The following PCNX2 variants were observed in gnomAD, a reference collection of about 807,000 sequenced individuals.
PCNX2 encodes pecanex-like protein 2.
PCNX2 carries 168 observed loss-of-function variants against 223.8 expected under a neutral mutation model. The ratio of observed to expected loss-of-function variants is 0.75; its 90% CI spans 0.66 to 0.85. The LOEUF (loss-of-function observed/expected upper bound fraction) is 0.85, where lower values mean the gene tolerates loss of function less well. PCNX2 is among the 40% of genes least tolerant of loss of function. PCNX2 has a pLI of 0.00. For synonymous variants in PCNX2, 1,006 were observed against 1,052.6 expected (o/e 0.96, Z 0.86); for missense variants, 2,507 against 2,675.5 (o/e 0.94, Z 1.39).
At chr1:233,131,375 CT>C (rs113203948) in intron 21 of PCNX2, among the ~76,000 whole-genome samples, 180 of 148,798 alleles carry the variant, frequency 1.2e-3, no homozygotes, top group African/African-American at 3.0e-3. Context: ...TTCAAAGAGA[CT>C]TTTTTTTTTG....
intron 32 of PCNX2, among the ~76,000 whole-genome samples, chr1:232,996,618 T>C (rs563192384): frequency 6.6e-6 from 1 of 152,178 alleles, no homozygotes; most frequent in African/African-American, 2.4e-5. Flanking sequence ...TTTCTTTCTG[T>C]CCTCTATCAA....
chr1:232,993,364 C>T (rs992583468), intron 32 of PCNX2, among the ~76,000 whole-genome samples: 22 of 152,242 alleles, frequency 1.4e-4, no homozygotes, highest in African/African-American at 5.3e-4. Context: ...TGTGGAACTT[C>T]GAACTTGAGA....
chr1:233,198,905 G>T, intron 15 of PCNX2, 34 bp downstream of exon 15: 2 of 1,517,436 alleles, frequency 1.3e-6, no homozygotes, highest in Non-Finnish European at 9.0e-7. Context: ...TTAATGAATC[G>T]AGAAGGATGA....
At chr1:233,038,100 C>CT (rs2102853921) in intron 25 of PCNX2, among the ~76,000 whole-genome samples, 1 of 152,300 alleles carries the variant, frequency 6.6e-6, no homozygotes, top group African/African-American at 2.4e-5. Flanking sequence ...TTATCACACA[C>CT]TGTCTAATGA....
intron 21 of PCNX2, among the ~76,000 whole-genome samples, chr1:233,113,856 C>T (rs975727390): frequency 1.3e-5 from 2 of 152,244 alleles, no homozygotes; most frequent in Admixed American, 6.5e-5. Context: ...TGTGCAGACT[C>T]GAATAGCACT....
At chr1:233,024,920 T>G (rs944528478) in intron 26 of PCNX2, among the ~76,000 whole-genome samples, 2 of 152,184 alleles carry the variant, frequency 1.3e-5, no homozygotes, top group African/African-American at 4.8e-5. Flanking sequence ...GAAAACAAAC[T>G]GCTTATTGGT....
chr1:233,087,195 C>A (rs1673650595), intron 23 of PCNX2: 1 of 985,212 alleles, frequency 1.0e-6, no homozygotes, highest in African/African-American at 1.7e-5. Context: ...TAGAGACCTG[C>A]ACAAACAAAA....
intron 15 of PCNX2, 141 bp downstream of exon 15, chr1:233,198,798 C>G (rs570466632): frequency 2.4e-6 from 2 of 830,842 alleles, no homozygotes; most frequent in East Asian, 5.6e-5. Context: ...ACTACTGAGG[C>G]CTCACTCAGC....
chr1:233,289,802 ATGGCAACG>A (rs141122239), intron 1 of PCNX2, among the ~76,000 whole-genome samples: 16,626 of 152,254 alleles, frequency 0.11, 1,056 homozygotes, highest in South Asian at 0.17. Context: ...CCTTTTGAGA[ATGGCAACG>A]TGCCAAGCAG....
intron 1 of PCNX2, among the ~76,000 whole-genome samples, chr1:233,289,921 TG>T: frequency 6.6e-6 from 1 of 152,228 alleles, no homozygotes; most frequent in South Asian, 2.1e-4. Flanking sequence ...CAGGATTAAA[TG>T]GGCCAGGAAA....
chr1:233,188,959 C>T (rs79040624), intron 15 of PCNX2, among the ~76,000 whole-genome samples: 2 of 152,316 alleles, frequency 1.3e-5, no homozygotes, highest in East Asian at 1.9e-4. Flanking sequence ...TTCACAGGTC[C>T]TGCCCACATT....
rs190385085 is a variant in PCNX2 at position 233,134,064 on chromosome 1, T to A, written c.3837+949A>T. Reference sequence around the variant, plus strand: ...AACTGATTAAGAGGTGAAAAAATTTTAAAAATTTAAAATTTAGAAAGACTT... The same window carrying A: ...AACTGATTAAGAGGTGAAAAAATTTAAAAAATTTAAAATTTAGAAAGACTT... On this transcript the variant is annotated intron_variant, in intron 21 of 33. Transcript: ENST00000258229. 3.6e-3 allele frequency among the ~76,000 whole-genome samples: 542 copies of A among 152,262 alleles called. 5 individuals carry two copies. The highest frequency in any genetic ancestry group is 0.012 in the African/African-American group (511 of 41,540).
intron 12 of PCNX2, among the ~76,000 whole-genome samples, chr1:233,212,173 G>A (rs76794345): frequency 0.061 from 9,298 of 152,188 alleles, 621 homozygotes; most frequent in African/African-American, 0.17. Flanking sequence ...GGTTCCCCTT[G>A]TATGTGGAGC....
At chr1:233,026,096 C>A (rs1265543592) in intron 25 of PCNX2, among the ~76,000 whole-genome samples, 2 of 151,890 alleles carry the variant, frequency 1.3e-5, no homozygotes, top group African/African-American at 2.4e-5. Flanking sequence ...AAGACAGACA[C>A]AAAAAAATAA....
At chr1:233,085,863 C>A (rs1673575052) in intron 23 of PCNX2, among the ~76,000 whole-genome samples, 1 of 152,178 alleles carries the variant, frequency 6.6e-6, no homozygotes, top group Non-Finnish European at 1.5e-5. Flanking sequence ...TCCCAGTCAC[C>A]ACCTTTATAA....
intron 13 of PCNX2, among the ~76,000 whole-genome samples, chr1:233,203,814 T>C (rs934804079): frequency 6.6e-6 from 1 of 152,138 alleles, no homozygotes; most frequent in Non-Finnish European, 1.5e-5. Context: ...GATGGTTTAA[T>C]TGCAGGAACC....
At chr1:233,146,371 A>G (rs1033270435) in intron 19 of PCNX2, among the ~76,000 whole-genome samples, 3 of 152,150 alleles carry the variant, frequency 2.0e-5, no homozygotes, top group South Asian at 2.1e-4. Flanking sequence ...GTTCTGGGGG[A>G]AAAAAGCAGT....
At chr1:233,195,220 T>C (rs576546656) in intron 15 of PCNX2, among the ~76,000 whole-genome samples, 2 of 152,140 alleles carry the variant, frequency 1.3e-5, no homozygotes, top group South Asian at 4.2e-4. Flanking sequence ...AAAAAATCAA[T>C]ATGGTCTTCT....
intron 26 of PCNX2, 32 bp from the exon 27 acceptor site, chr1:233,017,186 A>G: frequency 6.6e-7 from 1 of 1,510,458 alleles, no homozygotes; most frequent in East Asian, 2.3e-5. Flanking sequence ...GATTTTATTT[A>G]TTAATTTAAT....
Sources: allele counts gnomAD v4.1 joint callset (sites outside exome capture counted in the v4.1 genomes callset), GRCh38; gene constraint gnomAD v4.1.1; transcripts MANE v1.5; gene names NCBI Gene and HGNC (gene_info 2026-07-23, HGNC 2026-07-21).